Variants in SGCZ observed in about 807,000 individuals in gnomAD.
The protein encoded by SGCZ is zeta-sarcoglycan.
SGCZ carries 40 observed loss-of-function variants against 41.3 expected under a neutral mutation model. The observed-to-expected ratio is 0.97, with a 90% confidence interval of 0.75 to 1.26. The LOEUF (loss-of-function observed/expected upper bound fraction) is 1.26, where lower values mean the gene tolerates loss of function less well. Ranked by LOEUF, SGCZ falls within the 50% of genes most tolerant of loss-of-function variation. SGCZ has a pLI of 0.00. For synonymous variants in SGCZ, 206 were observed against 137.5 expected, an observed-to-expected ratio of 1.50 and a Z score of -3.49; for missense variants, 552 against 369.8, an observed-to-expected ratio of 1.49 and a Z score of -4.04.
chr8:14,093,584 G>C lies in SGCZ; in HGVS notation c.745-2947C>G, dbSNP rs375666403. Among the ~76,000 whole-genome samples, 15 of 152,136 alleles carry C rather than the reference G, an allele frequency of 9.9e-5. No homozygotes were observed. The East Asian group carries it at 2.9e-3, about 30-fold the overall frequency. On this transcript the variant is annotated intron_variant, in intron 7 of 7. Coordinates refer to ENST00000382080, the MANE Select transcript of SGCZ (RefSeq NM_139167.4). ...ACTTTTCTCCAGAGATTTAATGAGT[G>C]GGGGGAGATATTAACTGGGTGGTTG...
At chr8:14,734,570 G>A (rs548684782) in intron 1 of SGCZ, among the ~76,000 whole-genome samples, 2 of 152,090 alleles carry the variant, frequency 1.3e-5, no homozygotes, top group African/African-American at 2.4e-5. Flanking sequence ...AATGCTTCAC[G>A]TATGTATAGA....
At chr8:14,232,597 A>G (rs1382211349) in intron 4 of SGCZ, among the ~76,000 whole-genome samples, 1 of 151,786 alleles carries the variant, frequency 6.6e-6, no homozygotes, top group Non-Finnish European at 1.5e-5. Context: ...TTTGTTTTTT[A>G]TTTTTTATTT....
At chr8:14,584,493 T>C (rs1804997634) in intron 1 of SGCZ, among the ~76,000 whole-genome samples, 1 of 152,096 alleles carries the variant, frequency 6.6e-6, no homozygotes, top group Non-Finnish European at 1.5e-5. Context: ...ATATATGCCA[T>C]TAATGTATTG....
chr8:14,932,709 G>C (rs1029750296), intron 1 of SGCZ, among the ~76,000 whole-genome samples: 2 of 152,010 alleles, frequency 1.3e-5, no homozygotes, highest in Non-Finnish European at 2.9e-5. Flanking sequence ...TGACCTTCAA[G>C]CACATGTGTA....
chr8:14,273,788 C>T (rs1445532722), intron 3 of SGCZ, among the ~76,000 whole-genome samples: 3 of 152,170 alleles, frequency 2.0e-5, no homozygotes, highest in East Asian at 1.9e-4. Flanking sequence ...TAATGAGCAT[C>T]GTAATAGCCT....
At chr8:14,799,704 A>G (rs1801255435) in intron 1 of SGCZ, among the ~76,000 whole-genome samples, 1 of 151,700 alleles carries the variant, frequency 6.6e-6, no homozygotes, top group South Asian at 2.1e-4. Context: ...TTTTTTTTAA[A>G]TTTAAAAAGC....
chr8:14,760,385 T>G (rs1799824503), intron 1 of SGCZ, among the ~76,000 whole-genome samples: 1 of 152,322 alleles, frequency 6.6e-6, no homozygotes, highest in East Asian at 1.9e-4. Context: ...ATTTAAATTG[T>G]TGCTAATCAA....
At chr8:14,414,048 A>G (rs1355054964) in intron 2 of SGCZ, among the ~76,000 whole-genome samples, 1 of 152,026 alleles carries the variant, frequency 6.6e-6, no homozygotes, top group Non-Finnish European at 1.5e-5. Flanking sequence ...TATACCTTTC[A>G]CAACAGTTGA....
intron 1 of SGCZ, among the ~76,000 whole-genome samples, chr8:14,943,113 T>G (rs1800330808): frequency 6.6e-6 from 1 of 152,256 alleles, no homozygotes; most frequent in Non-Finnish European, 1.5e-5. Flanking sequence ...AAAAAGTGAT[T>G]CACAACATTA....
Position 14,983,470 on chromosome 8 carries a change from C to T in SGCZ, c.39+254115G>A, listed in dbSNP as rs115918233. Among the ~76,000 whole-genome samples, 809 of 152,130 alleles carry T rather than the reference C, an allele frequency of 5.3e-3. 8 individuals carry two copies. The highest frequency in any genetic ancestry group is 0.019 in the African/African-American group (786 of 41,492). On this transcript the variant is annotated intron_variant, in intron 1 of 7. Transcript: ENST00000382080. ...TCTTGGCTCACTGCAAACTCTACCTCCTGGGCTTGAGTGGTCCTCCCACCT... is the reference window on the plus strand; with the variant it reads ...TCTTGGCTCACTGCAAACTCTACCTTCTGGGCTTGAGTGGTCCTCCCACCT...
chr8:14,269,946 T>C lies in SGCZ; in HGVS notation c.337-32267A>G, dbSNP rs183136370. Among the ~76,000 whole-genome samples the C allele has an allele frequency of 4.6e-5, 7 of 152,288 alleles. No individual in the cohort carries two copies. In the East Asian group the frequency reaches 1.4e-3, roughly 29 times the overall value. ...CTTTGTTAACAAAGGGAGAAAAATT[T>C]TAAACACCATATAAGGTAAAATAAG... On this transcript the variant is annotated intron_variant, in intron 3 of 7. Transcript: ENST00000382080.
intron 1 of SGCZ, among the ~76,000 whole-genome samples, chr8:15,067,750 A>G (rs1254797969): frequency 1.3e-5 from 2 of 152,126 alleles, no homozygotes; most frequent in East Asian, 3.9e-4. Context: ...TTAGCTGCCT[A>G]TTCTATGCCA....
chr8:14,617,761 G>T (rs939720047), intron 1 of SGCZ, among the ~76,000 whole-genome samples: 1 of 152,068 alleles, frequency 6.6e-6, no homozygotes, highest in Admixed American at 6.6e-5. Flanking sequence ...AAAGTAGGGT[G>T]GGAATATTAT....
intron 1 of SGCZ, among the ~76,000 whole-genome samples, chr8:14,886,902 C>T (rs551448235): frequency 6.6e-6 from 1 of 152,164 alleles, no homozygotes; most frequent in Non-Finnish European, 1.5e-5. Flanking sequence ...GCATAATGAC[C>T]TAGGGCAGAG....
At chr8:14,731,831 T>G (rs1420036942) in intron 1 of SGCZ, among the ~76,000 whole-genome samples, 3 of 152,164 alleles carry the variant, frequency 2.0e-5, no homozygotes, top group African/African-American at 7.2e-5. Flanking sequence ...GTACCACTTT[T>G]TCTACAATTT....
chr8:15,204,921 G>C (rs940701891), intron 1 of SGCZ, among the ~76,000 whole-genome samples: 2 of 152,138 alleles, frequency 1.3e-5, no homozygotes, highest in African/African-American at 4.8e-5. Flanking sequence ...AAACCAGTTA[G>C]TGAAACCTGA....
chr8:14,857,230 C>A (rs1020577642), intron 1 of SGCZ, among the ~76,000 whole-genome samples: 1 of 152,116 alleles, frequency 6.6e-6, no homozygotes, highest in African/African-American at 2.4e-5. Context: ...AGAAACCCAG[C>A]GGAAGCTGGC....
At chr8:14,192,830 G>T (rs1361837542) in intron 4 of SGCZ, among the ~76,000 whole-genome samples, 1 of 151,990 alleles carries the variant, frequency 6.6e-6, no homozygotes, top group Non-Finnish European at 1.5e-5. Context: ...TTATTATGGA[G>T]ACCAGCCTGA....
At chr8:14,235,557 A>G (rs911994113) in intron 4 of SGCZ, among the ~76,000 whole-genome samples, 3 of 152,218 alleles carry the variant, frequency 2.0e-5, no homozygotes, top group Non-Finnish European at 2.9e-5. Context: ...TATTTCCTGC[A>G]GGAAAGCATG....
Sources: gnomAD v4.1 joint callset for allele counts (sites outside exome capture counted in the v4.1 genomes callset) on GRCh38, gnomAD v4.1.1 for gene constraint, MANE v1.5 for transcripts, NCBI Gene and HGNC (gene_info 2026-07-23, HGNC 2026-07-21) for gene names.